Variants in GRIA4 observed in about 807,000 individuals in gnomAD.
GRIA4 encodes glutamate receptor 4.
A neutral mutation model predicts 104.0 loss-of-function variants in GRIA4; 34 were observed. The ratio of observed to expected loss-of-function variants is 0.33; its 90% CI spans 0.25 to 0.44. GRIA4 has a LOEUF of 0.44. GRIA4 is among the 20% of genes least tolerant of loss of function. The pLI, the probability that GRIA4 is intolerant of heterozygous loss-of-function variation, is 1.00. For synonymous variants in GRIA4, 386 were observed against 381.9 expected (o/e 1.01, Z -0.13); for missense variants, 750 against 1,096.5 (o/e 0.68, Z 4.46).
chr11:105,722,327 G>T (rs1304842914), intron 3 of GRIA4, among the ~76,000 whole-genome samples: 1 of 152,120 alleles, frequency 6.6e-6, no homozygotes, highest in Non-Finnish European at 1.5e-5. Context: ...GTAAGTTGAG[G>T]AGCATCTGGA....
At chr11:105,894,270 G>A (rs1481343662) in intron 6 of GRIA4, among the ~76,000 whole-genome samples, 1 of 152,064 alleles carries the variant, frequency 6.6e-6, no homozygotes, top group East Asian at 1.9e-4. Flanking sequence ...AGTATAAGGT[G>A]AAAAAGACAA....
intron 3 of GRIA4, among the ~76,000 whole-genome samples, chr11:105,638,539 ATGTG>A (rs66610848): frequency 0.014 from 2,054 of 148,882 alleles, 19 homozygotes; most frequent in Non-Finnish European, 0.023. Flanking sequence ...GTGCGCGTGT[ATGTG>A]TGTGTGTGTG....
At chr11:105,695,102 A>G (rs771660833) in intron 3 of GRIA4, among the ~76,000 whole-genome samples, 7 of 152,170 alleles carry the variant, frequency 4.6e-5, no homozygotes, top group South Asian at 2.1e-4. Context: ...GCAGACCCCA[A>G]TGCATCTTTT....
At chr11:105,625,185 C>T (rs1950855127) in intron 3 of GRIA4, among the ~76,000 whole-genome samples, 1 of 152,032 alleles carries the variant, frequency 6.6e-6, no homozygotes, top group Admixed American at 6.6e-5. Context: ...CACTGTTAGA[C>T]TGTGACTTCC....
chr11:105,636,198 T>C (rs1951197785), intron 3 of GRIA4, among the ~76,000 whole-genome samples: 1 of 152,198 alleles, frequency 6.6e-6, no homozygotes, highest in African/African-American at 2.4e-5. Context: ...ATTTTTCAAA[T>C]TGGATGTCTA....
chr11:105,952,487 C>G (rs1355654039), intron 14 of GRIA4, among the ~76,000 whole-genome samples: 4 of 152,152 alleles, frequency 2.6e-5, no homozygotes, highest in Non-Finnish European at 5.9e-5. Flanking sequence ...ATCAAACTCC[C>G]TAGCTAATGC....
At chr11:105,691,701 C>G (rs1002488352) in intron 3 of GRIA4, among the ~76,000 whole-genome samples, 1 of 151,868 alleles carries the variant, frequency 6.6e-6, no homozygotes, top group Admixed American at 6.6e-5. Context: ...CTTTGAGAGG[C>G]CGAGGTGGGC....
intron 4 of GRIA4, among the ~76,000 whole-genome samples, chr11:105,829,316 C>G (rs2135927455): frequency 6.6e-6 from 1 of 152,080 alleles, no homozygotes; most frequent in African/African-American, 2.4e-5. Context: ...AATGCAAGAT[C>G]ACTGACTAGC....
intron 14 of GRIA4, among the ~76,000 whole-genome samples, chr11:105,952,607 G>T (rs1267205360): frequency 6.6e-6 from 1 of 152,078 alleles, no homozygotes; most frequent in Non-Finnish European, 1.5e-5. Flanking sequence ...AAATTCCAAT[G>T]AACATGCAAT....
intron 7 of GRIA4, among the ~76,000 whole-genome samples, chr11:105,903,062 G>A (rs1005294620): frequency 5.3e-5 from 8 of 152,050 alleles, no homozygotes; most frequent in Non-Finnish European, 1.2e-4. Context: ...AGAGGTGGGG[G>A]GAGCTCACTC....
At chr11:105,862,686 G>A (rs576747961) in intron 5 of GRIA4, 31 of 154,308 alleles carry the variant, frequency 2.0e-4, no homozygotes, top group African/African-American at 7.2e-4. Context: ...GTGGAATACT[G>A]TATATAGCAT....
chr11:105,640,184 A>G (rs1951319639), intron 3 of GRIA4, among the ~76,000 whole-genome samples: 1 of 151,976 alleles, frequency 6.6e-6, no homozygotes, highest in Admixed American at 6.6e-5. Flanking sequence ...AAATAAAGGG[A>G]AGACATTTGC....
chr11:105,696,216 C>CA (rs1953273706), intron 3 of GRIA4, among the ~76,000 whole-genome samples: 1 of 152,082 alleles, frequency 6.6e-6, no homozygotes, highest in African/African-American at 2.4e-5. Flanking sequence ...CCCCTGAGCC[C>CA]AAAAAGCATG....
chr11:105,734,477 T>C (rs1938808300), intron 3 of GRIA4, among the ~76,000 whole-genome samples: 1 of 152,126 alleles, frequency 6.6e-6, no homozygotes, highest in South Asian at 2.1e-4. Context: ...TTCCATTTAA[T>C]TAATTTTCCC....
intron 3 of GRIA4, among the ~76,000 whole-genome samples, chr11:105,731,920 A>G (rs796815807): frequency 7.2e-5 from 11 of 152,188 alleles, no homozygotes; most frequent in African/African-American, 2.2e-4. Context: ...AGAAATACCT[A>G]ATGTAGATGA....
intron 2 of GRIA4, 71 bp downstream of exon 2, chr11:105,611,156 T>C: frequency 9.4e-7 from 1 of 1,059,874 alleles, no homozygotes; most frequent in Non-Finnish European, 1.5e-6. Flanking sequence ...TTAAATGAGT[T>C]GCTGATAAGC....
chr11:105,688,813 G>A (rs1319328085), intron 3 of GRIA4, among the ~76,000 whole-genome samples: 2 of 152,022 alleles, frequency 1.3e-5, no homozygotes, highest in African/African-American at 2.4e-5. Context: ...TGTTGGTAAC[G>A]CCATAATATA....
chr11:105,921,404 A>G (rs189294872), intron 11 of GRIA4, among the ~76,000 whole-genome samples: 1 of 151,944 alleles, frequency 6.6e-6, no homozygotes, highest in East Asian at 1.9e-4. Context: ...CTAGCACCAG[A>G]ATTACCTGTG....
intron 9 of GRIA4, among the ~76,000 whole-genome samples, chr11:105,907,074 A>G (rs1430104957): frequency 6.6e-6 from 1 of 152,222 alleles, no homozygotes; most frequent in African/African-American, 2.4e-5. Context: ...ATCATTCTCT[A>G]TAAGAGAAAG....
Sources: gnomAD v4.1 joint callset for allele counts (sites outside exome capture counted in the v4.1 genomes callset) on GRCh38, gnomAD v4.1.1 for gene constraint, MANE v1.5 for transcripts, NCBI Gene and HGNC (gene_info 2026-07-23, HGNC 2026-07-21) for gene names.